Variants in THUMPD3 observed in about 807,000 individuals in gnomAD.
THUMPD3 encodes the protein THUMP domain 3 tRNA guanosine methyltransferase, also known as tRNA (guanine(6)-N(2))-methyltransferase THUMP3.
THUMPD3 carries 44 observed loss-of-function variants against 54.5 expected under a neutral mutation model. The ratio of observed to expected loss-of-function variants is 0.81; its 90% CI spans 0.63 to 1.04. The LOEUF (loss-of-function observed/expected upper bound fraction) is 1.04, where lower values mean the gene tolerates loss of function less well. THUMPD3 is among the 50% of genes least tolerant of loss of function. The pLI is 0.00. For missense variants in THUMPD3, 604 were observed against 601.3 expected (o/e 1.00, Z -0.05); for synonymous variants, 196 against 201.4 (o/e 0.97, Z 0.23).
At chr3:9,376,832 G>A (rs887514516) in intron 5 of THUMPD3, among the ~76,000 whole-genome samples, 2 of 152,090 alleles carry the variant, frequency 1.3e-5, no homozygotes, top group African/African-American at 4.8e-5. Flanking sequence ...TACTAGTTTT[G>A]TGTCCCTGGG....
At chr3:9,369,333 AG>A (rs1460861960) in intron 3 of THUMPD3, among the ~76,000 whole-genome samples, 18 of 150,260 alleles carry the variant, frequency 1.2e-4, no homozygotes, top group African/African-American at 4.4e-4. Context: ...AAAAAAAAAA[AG>A]AAAGAAATAC....
intron 2 of THUMPD3, among the ~76,000 whole-genome samples, chr3:9,366,235 A>G (rs941100689): frequency 3.3e-5 from 5 of 152,324 alleles, no homozygotes; most frequent in South Asian, 2.1e-4. Context: ...GTAAAAAGTG[A>G]AGGTCAGAAA....
chr3:9,383,191 C>T lies in THUMPD3; in HGVS notation c.1125-8C>T, dbSNP rs767681596. ...GTATGTTGAAGCACCTTTCCTTTGT[C>T]CCCACAGCAAACCCTCCTGGGGCTT... On this transcript the variant is annotated splice_region_variant and splice_polypyrimidine_tract_variant and intron_variant, in intron 7 of 9. Coordinates refer to ENST00000452837, the MANE Select transcript of THUMPD3 (RefSeq NM_001114092.2). 2 of 1,604,862 alleles carry T rather than the reference C, an allele frequency of 1.2e-6. No homozygotes were observed. The highest frequency in any genetic ancestry group is 1.7e-5 in the Admixed American group (1 of 59,782).
intron 6 of THUMPD3, among the ~76,000 whole-genome samples, chr3:9,379,285 T>C (rs557680431): frequency 5.9e-4 from 90 of 151,308 alleles, no homozygotes; most frequent in Admixed American, 1.2e-3. Context: ...CCCCTCTACA[T>C]CCCCACCCAC....
chr3:9,381,920 C>T (rs1364088006), intron 7 of THUMPD3, among the ~76,000 whole-genome samples: 1 of 151,010 alleles, frequency 6.6e-6, no homozygotes, highest in Non-Finnish European at 1.5e-5. Flanking sequence ...GCTGGGACTA[C>T]AGGCACCCGC....
At chr3:9,373,650 G>T (rs77075805) in intron 4 of THUMPD3, among the ~76,000 whole-genome samples, 3 of 152,226 alleles carry the variant, frequency 2.0e-5, no homozygotes, top group Non-Finnish European at 2.9e-5. Flanking sequence ...ATGAGTATCA[G>T]CTGTGCTTCT....
intron 7 of THUMPD3, among the ~76,000 whole-genome samples, chr3:9,381,188 C>A (rs764003464): frequency 2.0e-5 from 3 of 152,210 alleles, no homozygotes; most frequent in Non-Finnish European, 4.4e-5. Flanking sequence ...GCCGCTTCAG[C>A]CTTCCAAATT....
chr3:9,365,319 A>G lies in THUMPD3; in HGVS notation c.251A>G (p.Gln84Arg), dbSNP rs1484053885. 6.2e-7 allele frequency: 1 copy of G among 1,614,126 alleles called. No individual in the cohort carries two copies. The highest frequency in any genetic ancestry group is 1.7e-5 in the Admixed American group (1 of 60,026). Residue 84 changes from glutamine (Q) to arginine (R), a missense_variant and splice_region_variant, in exon 2 of 10, where the codon CAG becomes CGG. By Grantham distance (43) the Gln-to-Arg change is conservative (BLOSUM62 1). Transcript: ENST00000452837. ...GTCATTTCAGTGGAAAGTCTGGCACAGGTTTGAATGGAGCAATATTTAAAA... is the reference window on the plus strand; with the variant it reads ...GTCATTTCAGTGGAAAGTCTGGCACGGGTTTGAATGGAGCAATATTTAAAA... ...YFVISVESLA[Q>R]VHCLRSVDNL...
At chr3:9,382,597 ATT>A in intron 7 of THUMPD3, among the ~76,000 whole-genome samples, 1 of 152,162 alleles carries the variant, frequency 6.6e-6, no homozygotes, top group Non-Finnish European at 1.5e-5. Context: ...ATTCTTTAGT[ATT>A]GTTTTTCTCC....
intron 7 of THUMPD3, 76 bp downstream of exon 7, chr3:9,380,694 C>A: frequency 1.0e-6 from 1 of 1,002,640 alleles, no homozygotes; most frequent in Non-Finnish European, 1.5e-6. Flanking sequence ...TGAATTAAAA[C>A]TCCCAGTGCA....
At chr3:9,380,209 A>G (rs1406656917) in intron 6 of THUMPD3, among the ~76,000 whole-genome samples, 1 of 152,158 alleles carries the variant, frequency 6.6e-6, no homozygotes, top group Admixed American at 6.5e-5. Flanking sequence ...GGACAAGTGC[A>G]GTGGCAGAGG....
At chr3:9,382,492 T>C (rs1357115139) in intron 7 of THUMPD3, among the ~76,000 whole-genome samples, 1 of 152,216 alleles carries the variant, frequency 6.6e-6, no homozygotes, top group African/African-American at 2.4e-5. Flanking sequence ...CAATTACCTA[T>C]ATATTTGCCA....
intron 3 of THUMPD3, among the ~76,000 whole-genome samples, chr3:9,370,099 T>G (rs2031910287): frequency 1.3e-5 from 2 of 152,248 alleles, no homozygotes; most frequent in South Asian, 4.1e-4. Flanking sequence ...GTGTTCACCC[T>G]TAAACTTTTA....
intron 1 of THUMPD3, chr3:9,364,173 C>T (rs1040627046): frequency 3.3e-5 from 5 of 151,994 alleles, no homozygotes; most frequent in Non-Finnish European, 7.4e-5. Context: ...TCACTTGTCT[C>T]CTAACGACTC....
rs770475931 is a variant in THUMPD3 at position 9,384,604 on chromosome 3, C to T, written c.1440C>T (p.Tyr480=). The T allele has an allele frequency of 9.3e-6, 15 of 1,614,044 alleles. No homozygotes were observed. In the East Asian group the frequency reaches 2.4e-4, roughly 26 times the overall value. ...TTGGTGGTCTTCGTGCTGCAGTTTACGTTCTGATACGTACACCTCAAGCTT... is the reference window on the plus strand; with the variant it reads ...TTGGTGGTCTTCGTGCTGCAGTTTATGTTCTGATACGTACACCTCAAGCTT... The part of the protein sequence containing the change: ...VNVGGLRAAV[Y]VLIRTPQAFV... Residue 480 remains tyrosine, a synonymous_variant, in exon 10 of 10, where the codon TAC becomes TAT. Coordinates refer to ENST00000452837, the MANE Select transcript of THUMPD3 (RefSeq NM_001114092.2).
chr3:9,369,748 C>T (rs779134890), intron 3 of THUMPD3, among the ~76,000 whole-genome samples: 2 of 152,148 alleles, frequency 1.3e-5, no homozygotes, highest in African/African-American at 2.4e-5. Context: ...TATGTAAATT[C>T]TTGTACATAT....
chr3:9,383,389 T>G, intron 8 of THUMPD3, 80 bp downstream of exon 8: 1 of 1,138,324 alleles, frequency 8.8e-7, no homozygotes, highest in South Asian at 1.3e-5. Flanking sequence ...GAAAAAAATC[T>G]TGAATTTTAG....
At position 9,383,247 on chromosome 3, in the gene THUMPD3, C is replaced by A; in HGVS notation, c.1173C>A (p.Cys391Ter). ...TAGATGCTGTTCAGTGGGATATCTG[C>A]AATCTGCCATTGAGAACTGGCTCTG... ...LPIDAVQWDICNLPLRTGSVD... is the reference protein window; with the variant it reads ...LPIDAVQWDI The change falls in exon 8 of 10, where the codon TGC (cysteine) becomes TGA (stop). Residue 391 changes from cysteine (C) to a stop codon, truncating the protein, a stop_gained. Transcript: ENST00000452837. LOFTEE classifies it high-confidence loss of function. 1 of 1,614,098 alleles carries A rather than the reference C, an allele frequency of 6.2e-7. No individual in the cohort carries two copies. The highest frequency in any genetic ancestry group is 8.5e-7 in the Non-Finnish European group (1 of 1,179,960).
At position 9,366,930 on chromosome 3, in the gene THUMPD3, A is replaced by G. The variant is rs779329865; in HGVS notation, c.275A>G (p.Asp92Gly). ...LAQVHCLRSV[D>G]NLFVVVQEFQ... ...CAGGTTCATTGTCTGAGATCAGTTG[A>G]TAACTTATTTGTGGTGGTTCAGGAG... The change falls in exon 3 of 10, where the codon GAT (aspartate) becomes GGT (glycine). Residue 92 changes from aspartate to glycine, a missense_variant. Asp to Gly is a moderately conservative substitution (Grantham distance 94). Transcript: ENST00000452837. 1.2e-6 allele frequency: 2 copies of G among 1,613,102 alleles called. No homozygotes were observed. The highest frequency in any genetic ancestry group is 1.7e-6 in the Non-Finnish European group (2 of 1,179,706).
Sources: allele counts gnomAD v4.1 joint callset (sites outside exome capture counted in the v4.1 genomes callset), GRCh38; gene constraint gnomAD v4.1.1; transcripts MANE v1.5; gene names NCBI Gene and HGNC (gene_info 2026-07-23, HGNC 2026-07-21).